HPSE2: variants seen among roughly 807,000 people sequenced by gnomAD.
The protein encoded by HPSE2 is heparanase 2 (inactive).
In HPSE2, 38 loss-of-function variants were observed where a neutral mutation model predicts 60.5. The ratio of observed to expected loss-of-function variants is 0.63; its 90% confidence interval spans 0.48 to 0.82. HPSE2 has a LOEUF of 0.82. Among genes scored for constraint, HPSE2 ranks in the 40% least tolerant of loss-of-function variants. The pLI is 0.00. For missense variants in HPSE2, 713 were observed against 740.4 expected (o/e 0.96, Z 0.43); for synonymous variants, 295 against 293.2 (o/e 1.01, Z -0.06).
chr10:98,695,191 A>G (rs1279804000), intron 5 of HPSE2, among the ~76,000 whole-genome samples: 1 of 152,090 alleles, frequency 6.6e-6, no homozygotes. Context: ...TGAAGTTTAT[A>G]AAAGGAGAGG....
the HPSE2 span, among the ~76,000 whole-genome samples, chr10:99,264,254 A>C: frequency 6.6e-6 from 1 of 151,692 alleles, no homozygotes; most frequent in Non-Finnish European, 1.5e-5. Context: ...TGCCCGGCTA[A>C]TTTTTTGTAT....
At chr10:98,846,802 G>T (rs1448025490) in intron 3 of HPSE2, among the ~76,000 whole-genome samples, 1 of 152,088 alleles carries the variant, frequency 6.6e-6, no homozygotes, top group African/African-American at 2.4e-5. Context: ...AAACTCCTGG[G>T]CTCAAGGAAT....
Position 98,943,083 on chromosome 10 carries a change from G to T in HPSE2, c.611-199027C>A, listed in dbSNP as rs1589405064. On this transcript the variant is annotated intron_variant, in intron 3 of 11. Coordinates refer to ENST00000370552, the MANE Select transcript of HPSE2 (RefSeq NM_021828.5). ...ACATCACACTCTGGGGACTGTTGTG[G>T]GGTGGGGGGAGGGGGGAGGGATGGC... Among the ~76,000 whole-genome samples, 6 of 114,646 alleles carry T rather than the reference G, an allele frequency of 5.2e-5. No individual in the cohort carries two copies. The South Asian group carries it at 2.1e-3, about 40-fold the overall frequency. The allele number at this position is 114,646 out of a possible 152,430, so 75.2% of individuals were successfully genotyped here. A position where few individuals can be genotyped will look rare whatever the true frequency, so the allele number is the denominator to read the frequency against.
chr10:99,144,181 A>C, intron 3 of HPSE2, 57 bp downstream of exon 3: 5 of 1,574,406 alleles, frequency 3.2e-6, no homozygotes, highest in Non-Finnish European at 4.4e-6. Context: ...TGTGTACCCC[A>C]AAAAACAAGT....
At chr10:98,689,257 C>T (rs1173719881) in intron 6 of HPSE2, among the ~76,000 whole-genome samples, 1 of 152,120 alleles carries the variant, frequency 6.6e-6, no homozygotes, top group East Asian at 1.9e-4. Flanking sequence ...GCAATGAGGT[C>T]ACTGACACTT....
upstream of HPSE2, among the ~76,000 whole-genome samples, chr10:99,237,082 C>A (rs1214238250): frequency 1.3e-5 from 2 of 152,156 alleles, no homozygotes; most frequent in Non-Finnish European, 2.9e-5. Context: ...GCTCATTGAG[C>A]TTCCACCCCA....
the HPSE2 span, among the ~76,000 whole-genome samples, chr10:99,271,398 C>T: frequency 6.6e-6 from 1 of 151,944 alleles, no homozygotes; most frequent in East Asian, 1.9e-4. Flanking sequence ...AGCTGTGAAA[C>T]AAAACAAAAC....
intron 6 of HPSE2, among the ~76,000 whole-genome samples, chr10:98,647,833 T>G (rs1462952615): frequency 6.6e-6 from 1 of 152,182 alleles, no homozygotes; most frequent in Non-Finnish European, 1.5e-5. Flanking sequence ...AACGCTTAGA[T>G]GAAATGAACA....
At chr10:99,311,282 T>A in the HPSE2 span, among the ~76,000 whole-genome samples, 1 of 152,234 alleles carries the variant, frequency 6.6e-6, no homozygotes, top group Non-Finnish European at 1.5e-5. Flanking sequence ...TAGGCATACC[T>A]CATTTTATTG....
chr10:98,828,318 C>T (rs568186779), intron 3 of HPSE2, among the ~76,000 whole-genome samples: 27 of 152,258 alleles, frequency 1.8e-4, no homozygotes, highest in African/African-American at 6.5e-4. Context: ...ATGAAAATTT[C>T]AAGGATGGTG....
chr10:98,666,614 A>G (rs970235954), intron 6 of HPSE2, among the ~76,000 whole-genome samples: 1 of 152,182 alleles, frequency 6.6e-6, no homozygotes, highest in Non-Finnish European at 1.5e-5. Flanking sequence ...AAAAATAGAA[A>G]TTAATACCAA....
At chr10:98,931,490 C>T (rs2135110711) in intron 3 of HPSE2, among the ~76,000 whole-genome samples, 1 of 144,020 alleles carries the variant, frequency 6.9e-6, no homozygotes, top group South Asian at 2.1e-4. Context: ...AAAGTTTTTT[C>T]TAATTCTGTG....
chr10:98,668,365 T>C (rs1203016138), intron 6 of HPSE2, among the ~76,000 whole-genome samples: 1 of 152,158 alleles, frequency 6.6e-6, no homozygotes, highest in Admixed American at 6.5e-5. Flanking sequence ...TTCAGTGTTA[T>C]CCCTATCAAA....
At chr10:99,205,096 A>G (rs1176777601) in intron 2 of HPSE2, among the ~76,000 whole-genome samples, 6 of 152,202 alleles carry the variant, frequency 3.9e-5, no homozygotes, top group African/African-American at 1.4e-4. Context: ...AAAAGCAGGG[A>G]AGGTAGGAGG....
chr10:98,870,488 C>G (rs542634554), intron 3 of HPSE2, among the ~76,000 whole-genome samples: 13 of 152,248 alleles, frequency 8.5e-5, no homozygotes, highest in Non-Finnish European at 1.8e-4. Flanking sequence ...CAAAAGGCCA[C>G]TGGGACTTAT....
chr10:99,131,840 A>C (rs1589705081), intron 3 of HPSE2, among the ~76,000 whole-genome samples: 1 of 152,066 alleles, frequency 6.6e-6, no homozygotes, highest in Middle Eastern at 3.2e-3. Context: ...GGCCGGGTAC[A>C]GTGGCTCATG....
chr10:99,035,845 G>A (rs139547751), intron 3 of HPSE2, among the ~76,000 whole-genome samples: 26 of 152,248 alleles, frequency 1.7e-4, no homozygotes, highest in African/African-American at 2.2e-4. Context: ...AGCTTTGTCC[G>A]ATGAGAGAAC....
intron 2 of HPSE2, among the ~76,000 whole-genome samples, chr10:99,171,556 C>G (rs1407405816): frequency 6.6e-6 from 1 of 152,218 alleles, no homozygotes; most frequent in East Asian, 1.9e-4. Context: ...AAAAAAACAA[C>G]CTTATAAGAA....
At chr10:98,998,016 G>T (rs1373725195) in intron 3 of HPSE2, among the ~76,000 whole-genome samples, 1 of 152,176 alleles carries the variant, frequency 6.6e-6, no homozygotes, top group Non-Finnish European at 1.5e-5. Flanking sequence ...TCCATTGGTG[G>T]CATTTCTAAT....
Sources: allele counts gnomAD v4.1 joint callset (sites outside exome capture counted in the v4.1 genomes callset), GRCh38; gene constraint gnomAD v4.1.1; transcripts MANE v1.5; gene names NCBI Gene and HGNC (gene_info 2026-07-23, HGNC 2026-07-21).